The following FERMT2 variants were observed in gnomAD, a reference collection of about 807,000 sequenced individuals.
The protein encoded by FERMT2 is FERM domain containing kindlin 2.
Under a neutral mutation model 82.7 loss-of-function variants are expected in FERMT2, and 15 were observed. The observed-to-expected ratio is 0.18, with a 90% CI of 0.12 to 0.28. The LOEUF (loss-of-function observed/expected upper bound fraction) is 0.28. Among genes scored for constraint, FERMT2 ranks in the 10% least tolerant of loss-of-function variants. The pLI, the probability that FERMT2 is intolerant of heterozygous loss-of-function variation, is 1.00. For synonymous variants in FERMT2, 274 were observed against 271.5 expected (o/e 1.01, Z -0.09); for missense variants, 645 against 809.4 (o/e 0.80, Z 2.46).
In FERMT2 at chr14:52,872,788, G is replaced by T; in HGVS notation, c.1273+11C>A. ...CCACCATCAACAACAGCCGTGCCAG[G>T]CTCTCCTTACCCCTGAGGTTCATCT... is the stretch of plus-strand genomic sequence containing the variant. On this transcript the variant is annotated intron_variant, in intron 10 of 14. Transcript: ENST00000341590. 6.2e-7 allele frequency: 1 copy of T among 1,613,122 alleles called. No individual in the cohort carries two copies.
intron 10 of FERMT2, chr14:52,871,575 G>A (rs968300507): frequency 2.0e-5 from 3 of 152,250 alleles, no homozygotes; most frequent in South Asian, 2.1e-4. Flanking sequence ...GAGGAAATTC[G>A]CCTACCAGCT....
At chr14:52,877,163 T>C (rs1332307251) in intron 7 of FERMT2, among the ~76,000 whole-genome samples, 1 of 152,198 alleles carries the variant, frequency 6.6e-6, no homozygotes, top group Non-Finnish European at 1.5e-5. Flanking sequence ...TAGGCATCTG[T>C]TGGTTTTAAA....
intron 3 of FERMT2, among the ~76,000 whole-genome samples, chr14:52,901,436 G>A (rs1594968032): frequency 6.6e-6 from 1 of 152,166 alleles, no homozygotes; most frequent in Non-Finnish European, 1.5e-5. Flanking sequence ...ACTGCTGTGA[G>A]GAGTTTTTGC....
chr14:52,892,178 T>G (rs558217534), intron 4 of FERMT2, among the ~76,000 whole-genome samples: 1,508 of 149,912 alleles, frequency 0.01, 31 homozygotes, highest in African/African-American at 0.035. Flanking sequence ...TTTTTTTTTT[T>G]TTTTTTTTTG....
intron 3 of FERMT2, among the ~76,000 whole-genome samples, chr14:52,912,775 G>A (rs969546078): frequency 6.6e-6 from 1 of 152,058 alleles, no homozygotes; most frequent in Admixed American, 6.5e-5. Flanking sequence ...CTCCCAAAGC[G>A]CTGGGATTAC....
Position 52,872,828 on chromosome 14 carries a change from C to A in FERMT2, c.1244G>T (p.Gly415Val). ...GAGGTTCATCTGATGAGCTGGTGTG[C>A]CACTGGATTCTTCTTTGCTCTTATA... Reference protein sequence around the residue: ...SCYKSKEESSGTPAHQMNLRG... With the variant: ...SCYKSKEESSVTPAHQMNLRG... The change falls in exon 10 of 15, where the codon GGC becomes GTC. Residue 415 changes from glycine (G) to valine (V), a missense_variant. Transcript: ENST00000341590. 1.9e-6 allele frequency: 3 copies of A among 1,613,856 alleles called. No individual in the cohort carries two copies. Among genetic ancestry groups the A allele is most frequent in the Non-Finnish European group, 2.5e-6 (3 of 1,179,880 alleles).
chr14:52,906,960 G>GT (rs1888048289), intron 3 of FERMT2, among the ~76,000 whole-genome samples: 1 of 57,664 alleles, frequency 1.7e-5, no homozygotes, highest in African/African-American at 6.5e-5. Flanking sequence ...GGGGGGGGGG[G>GT]AATTTAGAAT....
chr14:52,876,311 C>G (rs1166326288), intron 7 of FERMT2, among the ~76,000 whole-genome samples: 1 of 152,158 alleles, frequency 6.6e-6, no homozygotes, highest in Non-Finnish European at 1.5e-5. Flanking sequence ...GTAGAAATGT[C>G]AATGTTCATA....
At chr14:52,925,552 C>T (rs1889212056) in intron 2 of FERMT2, among the ~76,000 whole-genome samples, 1 of 126,538 alleles carries the variant, frequency 7.9e-6, no homozygotes, top group Admixed American at 8.7e-5. Context: ...CAGCAAGACT[C>T]TGTCTCAAAA....
At chr14:52,937,104 G>A (rs560951809) in intron 2 of FERMT2, among the ~76,000 whole-genome samples, 118 of 152,268 alleles carry the variant, frequency 7.7e-4, no homozygotes, top group Non-Finnish European at 7.6e-4. Context: ...GGAGGTTGCA[G>A]TGAGCTTAGA....
At chr14:52,919,967 C>T (rs1385461436) in intron 2 of FERMT2, among the ~76,000 whole-genome samples, 1 of 152,072 alleles carries the variant, frequency 6.6e-6, no homozygotes. Context: ...AATAGATCCC[C>T]GAAAATGGAT....
chr14:52,946,948 C>T (rs550297298), intron 2 of FERMT2, among the ~76,000 whole-genome samples: 1 of 152,222 alleles, frequency 6.6e-6, no homozygotes, highest in East Asian at 1.9e-4. Flanking sequence ...GCTGGGATTA[C>T]AGATGTGAGC....
At chr14:52,931,563 T>C (rs1595011685) in intron 2 of FERMT2, among the ~76,000 whole-genome samples, 1 of 152,144 alleles carries the variant, frequency 6.6e-6, no homozygotes, top group South Asian at 2.1e-4. Context: ...GCTAGAATCA[T>C]GGGTCTCAAG....
chr14:52,885,312 CAAAA>C lies in FERMT2; in HGVS notation c.527-3847_527-3844del, dbSNP rs1181582996. ...TGGGTAACAGGGCGAGACTTAGTCT[CAAAA>C]AAAAAAAAAAAAAAAAAAAAAAATC... On this transcript the variant is annotated intron_variant, in intron 4 of 14. Transcript: ENST00000341590. 2.0e-4 allele frequency among the ~76,000 whole-genome samples: 12 copies of C among 61,074 alleles called. No individual in the cohort carries two copies. The South Asian group carries it at 6.3e-3, about 32-fold the overall frequency. 40.1% of individuals were successfully genotyped at this position (61,074 alleles called of 152,430 possible).
At chr14:52,906,708 C>A (rs1394506509) in intron 3 of FERMT2, among the ~76,000 whole-genome samples, 1 of 151,374 alleles carries the variant, frequency 6.6e-6, no homozygotes, top group South Asian at 2.1e-4. Context: ...ATGAAAAAAA[C>A]ATCTTAAATG....
intron 3 of FERMT2, among the ~76,000 whole-genome samples, chr14:52,909,468 C>T (rs1888193708): frequency 6.6e-6 from 1 of 152,168 alleles, no homozygotes; most frequent in South Asian, 2.1e-4. Context: ...AAAAAGAAGG[C>T]TCTTATTAGT....
At chr14:52,925,734 G>A (rs1424374307) in intron 2 of FERMT2, among the ~76,000 whole-genome samples, 1 of 152,020 alleles carries the variant, frequency 6.6e-6, no homozygotes, top group East Asian at 1.9e-4. Flanking sequence ...CACTTCCCGG[G>A]TTCAAGTGAT....
chr14:52,914,515 T>C (rs1398265270), intron 3 of FERMT2, among the ~76,000 whole-genome samples: 3 of 152,210 alleles, frequency 2.0e-5, no homozygotes, highest in African/African-American at 7.2e-5. Context: ...TATGCAATAC[T>C]GTACTAGAGG....
intron 3 of FERMT2, among the ~76,000 whole-genome samples, chr14:52,894,231 TA>T (rs1008892879): frequency 1.3e-4 from 20 of 152,158 alleles, no homozygotes; most frequent in African/African-American, 4.8e-4. Context: ...GGAAAATGGT[TA>T]AATGAAAATA....
Sources: allele counts gnomAD v4.1 joint callset (sites outside exome capture counted in the v4.1 genomes callset), GRCh38; gene constraint gnomAD v4.1.1; transcripts MANE v1.5; gene names NCBI Gene and HGNC (gene_info 2026-07-23, HGNC 2026-07-21).